Variants in UBXN4 observed in about 807,000 individuals in gnomAD.
UBXN4 encodes UBX domain-containing protein 4.
UBXN4 carries 35 observed loss-of-function variants against 66.2 expected under a neutral mutation model. The ratio of observed to expected loss-of-function variants is 0.53; its 90% CI spans 0.40 to 0.70. UBXN4 has a LOEUF of 0.70. Ranked by LOEUF, UBXN4 falls within the 30% of genes least tolerant of loss-of-function variation. UBXN4 has a pLI of 0.00. For synonymous variants in UBXN4, 203 were observed against 204.5 expected (o/e 0.99, Z 0.06); for missense variants, 533 against 599.8 (o/e 0.89, Z 1.16).
Position 135,769,837 on chromosome 2 carries a change from A to C in UBXN4, c.657+14A>C, listed in dbSNP as rs2077372353. On this transcript the variant is annotated intron_variant, in intron 7 of 12. Transcript: ENST00000272638. ...GAGGAAGAACAGGTAAAGTTCATGC[A>C]GTTAGCATTGTTTTGTCCTCTCATT... 1 of 1,592,570 alleles carries C rather than the reference A, an allele frequency of 6.3e-7. No individual in the cohort carries two copies.
At chr2:135,745,875 C>CTTTTATTTT (rs2077204332) in intron 1 of UBXN4, among the ~76,000 whole-genome samples, 1 of 74,398 alleles carries the variant, frequency 1.3e-5, no homozygotes, top group Non-Finnish European at 2.3e-5. Context: ...GTCCCGTTTA[C>CTTTTATTTT]TTTTTTTTTT....
intron 6 of UBXN4, among the ~76,000 whole-genome samples, chr2:135,768,916 G>A (rs2105504055): frequency 6.6e-6 from 1 of 151,820 alleles, no homozygotes; most frequent in East Asian, 1.9e-4. Flanking sequence ...TACCCAGACT[G>A]GTTTCGAACT....
rs2077222025 is a variant in UBXN4 at position 135,748,342 on chromosome 2, T to G, written c.158T>G (p.Phe53Cys). 6.2e-7 allele frequency: 1 copy of G among 1,603,458 alleles called. No individual in the cohort carries two copies. Among genetic ancestry groups the G allele is most frequent in the African/African-American group, 1.3e-5 (1 of 74,682 alleles). ...GTTACAGAAGCATCTTCAAACAGTT[T>G]TGTTGCTATTAAAATCGATACCAAA... ...DKVTEASSNSFVAIKIDTKSE... is the reference protein window; with the variant it reads ...DKVTEASSNSCVAIKIDTKSE... Residue 53 changes from phenylalanine to cysteine, a missense_variant, in exon 2 of 13, where the codon TTT becomes TGT. Physicochemically the swap from Phe to Cys is radical, Grantham distance 205 (BLOSUM62 -2). Around this residue, in one of 2 missense-constraint regions of UBXN4, gnomAD observed 529 missense variants for 580.1 expected, o/e 0.91. Coordinates refer to ENST00000272638, the MANE Select transcript of UBXN4 (RefSeq NM_014607.4).
intron 5 of UBXN4, among the ~76,000 whole-genome samples, chr2:135,756,594 G>A (rs72970268): frequency 0.027 from 4,113 of 152,118 alleles, 197 homozygotes; most frequent in African/African-American, 0.095. Context: ...TGTACGGAAC[G>A]GGGGGACTCT....
intron 8 of UBXN4, 61 bp from the exon 9 acceptor site, chr2:135,772,359 G>A: frequency 6.3e-7 from 1 of 1,578,190 alleles, no homozygotes; most frequent in Non-Finnish European, 8.6e-7. Flanking sequence ...TATTTGTTTG[G>A]AATTGTGTGA....
intron 7 of UBXN4, 34 bp from the exon 8 acceptor site, chr2:135,770,536 AG>A: frequency 7.5e-7 from 1 of 1,334,930 alleles, no homozygotes; most frequent in Non-Finnish European, 9.9e-7. Context: ...CAGATTATCA[AG>A]TTTTTGGATC....
At chr2:135,762,768 TAGA>T (rs1317069261) in intron 6 of UBXN4, among the ~76,000 whole-genome samples, 2 of 152,210 alleles carry the variant, frequency 1.3e-5, no homozygotes, top group Non-Finnish European at 2.9e-5. Flanking sequence ...GGTATAAGCC[TAGA>T]AGAATAGCAG....
Position 135,778,964 on chromosome 2 carries a change from A to G in UBXN4, c.1070A>G (p.Tyr357Cys), listed in dbSNP as rs2105509628. 1 of 1,612,682 alleles carries G rather than the reference A, an allele frequency of 6.2e-7. No individual in the cohort carries two copies. The highest frequency in any genetic ancestry group is 1.7e-4 in the Middle Eastern group (1 of 6,058). Residue 357 changes from tyrosine to cysteine, a missense_variant, in exon 11 of 13, where the codon TAC becomes TGC. By Grantham distance (194) the Tyr-to-Cys change is radical (BLOSUM62 -2). Coordinates refer to ENST00000272638, the MANE Select transcript of UBXN4 (RefSeq NM_014607.4). The stretch of plus-strand genomic sequence containing the variant: ...ATTTTACAGACTGTTGGCAACACTT[A>G]CGGTAATTTTTCGTTAGCAACCATG... ...QFAAQTVGNTYGNFSLATMFP... is the reference protein window; with the variant it reads ...QFAAQTVGNTCGNFSLATMFP...
At chr2:135,761,756 T>G (rs935550943) in intron 5 of UBXN4, 62 bp from the exon 6 acceptor site, 5 of 1,349,266 alleles carry the variant, frequency 3.7e-6, no homozygotes, top group Non-Finnish European at 4.1e-6. Context: ...TCTGAAAGAT[T>G]TATTCCTTTA....
intron 5 of UBXN4, among the ~76,000 whole-genome samples, chr2:135,758,557 A>C (rs910620620): frequency 6.6e-6 from 1 of 152,006 alleles, no homozygotes; most frequent in Non-Finnish European, 1.5e-5. Flanking sequence ...TTTCAAACAT[A>C]CATAGAAGTA....
chr2:135,768,940 T>C (rs1398285830), intron 6 of UBXN4, among the ~76,000 whole-genome samples: 1 of 151,912 alleles, frequency 6.6e-6, no homozygotes. Context: ...GGGCTTAGGC[T>C]ATCCTCCTGC....
chr2:135,784,936 C>G lies in UBXN4; in HGVS notation c.*2049C>G, dbSNP rs2077474641. 1 of 152,362 alleles carries G rather than the reference C, an allele frequency of 6.6e-6. No individual in the cohort carries two copies. The highest frequency in any genetic ancestry group is 2.4e-5 in the African/African-American group (1 of 41,398). The allele number at this position is 152,362 out of a possible 1,614,324, so 9.4% of individuals were successfully genotyped here. A position where few individuals can be genotyped will look rare whatever the true frequency, so the allele number is the denominator to read the frequency against. Reference sequence around the variant, plus strand: ...AGAATTCTGCCCCCTCACCTCTTACCCCAGTACTATTCTCCAGAGGTAATC... The same window carrying G: ...AGAATTCTGCCCCCTCACCTCTTACGCCAGTACTATTCTCCAGAGGTAATC... On this transcript the variant is annotated 3_prime_UTR_variant, in exon 13 of 13. Coordinates refer to ENST00000272638, the MANE Select transcript of UBXN4 (RefSeq NM_014607.4).
chr2:135,770,699 G>A lies in UBXN4; in HGVS notation c.786G>A (p.Arg262=). The A allele has an allele frequency of 6.4e-7, 1 of 1,561,432 alleles. No homozygotes were observed. Among genetic ancestry groups the A allele is most frequent in the South Asian group, 1.2e-5 (1 of 81,190 alleles). The stretch of plus-strand genomic sequence containing the variant: ...GAAACAGAGAGAAAGCAGAAGATAG[G>A]GCAGCTCGAGAACGTATAAAACAGC... The part of the protein sequence containing the change: ...EERNREKAED[R]AARERIKQQI... The change falls in exon 8 of 13, where the codon AGG becomes AGA. Residue 262 remains arginine, a synonymous_variant. Coordinates refer to ENST00000272638, the MANE Select transcript of UBXN4 (RefSeq NM_014607.4).
rs768404609 is a variant in UBXN4, at chr2:135,741,988, C to T, written c.59C>T (p.Ala20Val). 3.1e-6 allele frequency: 5 copies of T among 1,613,338 alleles called. No individual in the cohort carries two copies. Among genetic ancestry groups the T allele is most frequent in the Admixed American group, 3.3e-5 (2 of 59,980 alleles). ...AAIATAKRSG[A>V]VFVVFVAGDD... ...ATCGCGACGGCCAAAAGGAGCGGCG[C>T]GGTCTTCGTGGTGTTCGTGGCAGGT... The change falls in exon 1 of 13, where the codon GCG becomes GTG. Residue 20 changes from alanine (A) to valine (V), a missense_variant. Physicochemically the swap from Ala to Val is moderately conservative, Grantham distance 64 (BLOSUM62 0). Coordinates refer to ENST00000272638, the MANE Select transcript of UBXN4 (RefSeq NM_014607.4).
intron 6 of UBXN4, among the ~76,000 whole-genome samples, chr2:135,763,713 C>T (rs2077329964): frequency 6.6e-6 from 1 of 152,084 alleles, no homozygotes; most frequent in East Asian, 1.9e-4. Context: ...GTAGTCCCAG[C>T]TACTCAGGAG....
Position 135,776,200 on chromosome 2 carries a change from GAGAATATAT to G in UBXN4, c.951-45_951-37del, listed in dbSNP as rs759556729. ...TTTCTCTAACTTAATGATATTGTTAGAGAATATATAGAGGTGAAGATTGTGACTTTAATT... is the reference window on the plus strand; with the variant it reads ...TTTCTCTAACTTAATGATATTGTTAGAGAGGTGAAGATTGTGACTTTAATT... On this transcript the variant is annotated intron_variant, in intron 9 of 12. Coordinates refer to ENST00000272638, the MANE Select transcript of UBXN4 (RefSeq NM_014607.4). The G allele has an allele frequency of 7.6e-6, 11 of 1,451,540 alleles. No homozygotes were observed. The Admixed American group carries it at 2.0e-4, about 27-fold the overall frequency. The allele number at this position is 1,451,540 out of a possible 1,614,324, so 89.9% of individuals were successfully genotyped here. A position where few individuals can be genotyped will look rare whatever the true frequency, so the allele number is the denominator to read the frequency against.
chr2:135,754,218 G>C lies in UBXN4; in HGVS notation c.274G>C (p.Val92Leu). Residue 92 changes from valine to leucine, a missense_variant, in exon 4 of 13, where the codon GTA (valine) becomes CTA (leucine). This residue lies in a region of UBXN4 where 529 missense variants were observed against 580.1 expected (regional missense o/e 0.91). Transcript: ENST00000272638. ...TGGAGACAGTGGAATTCCCTTGGAA[G>C]TAATAGCAGGAAGTGTTTCTGCAGA... ...FIGDSGIPLE[V>L]IAGSVSADEL... 6.2e-7 allele frequency: 1 copy of C among 1,614,170 alleles called. No homozygotes were observed.
Position 135,783,110 on chromosome 2 carries a change from A to G in UBXN4, c.*223A>G. 1 of 384,946 alleles carries G rather than the reference A, an allele frequency of 2.6e-6. No individual in the cohort carries two copies. The highest frequency in any genetic ancestry group is 4.5e-6 in the Non-Finnish European group (1 of 220,910). 23.8% of individuals were successfully genotyped at this position (384,946 alleles called of 1,614,324 possible). A position where few individuals can be genotyped will look rare whatever the true frequency, so the allele number is the denominator to read the frequency against. On this transcript the variant is annotated 3_prime_UTR_variant, in exon 13 of 13. Transcript: ENST00000272638. ...TGCTTATATGGCAACCACTGCTAGA[A>G]CCCTAAAAGAACCAAAAATCTGCCA... is the stretch of plus-strand genomic sequence containing the variant.
intron 1 of UBXN4, among the ~76,000 whole-genome samples, chr2:135,747,475 CT>C (rs2077215787): frequency 6.6e-6 from 1 of 151,634 alleles, no homozygotes; most frequent in Non-Finnish European, 1.5e-5. Context: ...GTTAGCATAC[CT>C]TTTATAATTA....
Sources: allele counts gnomAD v4.1 joint callset (sites outside exome capture counted in the v4.1 genomes callset), GRCh38; gene constraint gnomAD v4.1.1; regional missense constraint gnomAD v4.1.1; transcripts MANE v1.5; gene names NCBI Gene and HGNC (gene_info 2026-07-23, HGNC 2026-07-21).